Variants in CACNB2 observed in about 807,000 individuals in gnomAD.
The protein encoded by CACNB2 is calcium voltage-gated channel auxiliary subunit beta 2.
CACNB2 carries 42 observed loss-of-function variants against 73.3 expected under a neutral mutation model. The observed-to-expected ratio is 0.57, with a 90% CI of 0.45 to 0.74. CACNB2 has a LOEUF of 0.74. CACNB2 is among the 30% of genes least tolerant of loss of function. CACNB2 has a pLI of 0.00. For missense variants in CACNB2, 940 were observed against 853.0 expected, an observed-to-expected ratio of 1.10 and a Z score of -1.27; for synonymous variants, 348 against 310.3, an observed-to-expected ratio of 1.12 and a Z score of -1.28.
intron 4 of CACNB2, 43 bp downstream of exon 4, chr10:18,498,520 C>G (rs1297718021): frequency 1.3e-6 from 2 of 1,598,436 alleles, no homozygotes; most frequent in African/African-American, 2.7e-5. Context: ...GATGTTTCAC[C>G]TTGACATACC....
intron 2 of CACNB2, among the ~76,000 whole-genome samples, chr10:18,200,269 A>T (rs1229584294): frequency 6.7e-6 from 1 of 150,048 alleles, no homozygotes; most frequent in Non-Finnish European, 1.5e-5. Flanking sequence ...ACTCAAAAAA[A>T]AAGTTTTTTT....
At chr10:18,378,275 C>A (rs2042882137) in intron 2 of CACNB2, among the ~76,000 whole-genome samples, 1 of 152,168 alleles carries the variant, frequency 6.6e-6, no homozygotes, top group South Asian at 2.1e-4. Context: ...TCAACATTTT[C>A]ATTCTGAATG....
intron 2 of CACNB2, among the ~76,000 whole-genome samples, chr10:18,275,370 G>A (rs1006150701): frequency 8.5e-5 from 13 of 152,162 alleles, no homozygotes; most frequent in East Asian, 7.7e-4. Context: ...GGTTAGCTTC[G>A]TAATAAGGGG....
chr10:18,298,120 G>C lies in CACNB2; in HGVS notation c.214-103804G>C, dbSNP rs999074681. On this transcript the variant is annotated intron_variant, in intron 2 of 13. Coordinates refer to ENST00000324631, the MANE Select transcript of CACNB2 (RefSeq NM_201596.3). Reference sequence around the variant, plus strand: ...GTACTGGCTCACGCCTGTAATCCTAGCACTTTGGAAGGCTGAGATTGGTGG... The same window carrying C: ...GTACTGGCTCACGCCTGTAATCCTACCACTTTGGAAGGCTGAGATTGGTGG... Among the ~76,000 whole-genome samples, 3 of 152,122 alleles carry C rather than the reference G, an allele frequency of 2.0e-5. No homozygotes were observed. In the South Asian group the frequency reaches 6.2e-4, roughly 32 times the overall value.
chr10:18,504,370 G>GC (rs2050373749), intron 5 of CACNB2, among the ~76,000 whole-genome samples: 1 of 152,174 alleles, frequency 6.6e-6, no homozygotes, highest in East Asian at 1.9e-4. Context: ...GGCACAGCAA[G>GC]CCCAGGACAG....
chr10:18,456,350 C>T (rs2132644528), intron 3 of CACNB2, among the ~76,000 whole-genome samples: 1 of 152,238 alleles, frequency 6.6e-6, no homozygotes, highest in South Asian at 2.1e-4. Flanking sequence ...GTAATCCCAG[C>T]TACTTGGGAG....
At chr10:18,492,620 CAAAA>C (rs371407084) in intron 3 of CACNB2, among the ~76,000 whole-genome samples, 5 of 90,470 alleles carry the variant, frequency 5.5e-5, no homozygotes, top group East Asian at 3.1e-4. Context: ...GACTCTGTCT[CAAAA>C]AAAAAAAAAA....
chr10:18,226,998 AGAC>A (rs1186072225), intron 2 of CACNB2, among the ~76,000 whole-genome samples: 1 of 152,182 alleles, frequency 6.6e-6, no homozygotes, highest in Non-Finnish European at 1.5e-5. Context: ...CACTTAAATG[AGAC>A]TATTTCTTCA....
At chr10:18,470,079 A>C (rs1041699302) in intron 3 of CACNB2, among the ~76,000 whole-genome samples, 2 of 151,958 alleles carry the variant, frequency 1.3e-5, no homozygotes, top group East Asian at 3.9e-4. Flanking sequence ...AAAGTATTCA[A>C]CTTAGGAATT....
chr10:18,536,647 A>C (rs1000126039), intron 12 of CACNB2, among the ~76,000 whole-genome samples: 1 of 152,202 alleles, frequency 6.6e-6, no homozygotes, highest in Non-Finnish European at 1.5e-5. Flanking sequence ...TTCATTCCAA[A>C]GTAAACTGTC....
chr10:18,359,605 T>C (rs934487497), intron 2 of CACNB2, among the ~76,000 whole-genome samples: 4 of 152,054 alleles, frequency 2.6e-5, no homozygotes, highest in African/African-American at 9.7e-5. Context: ...TGTTTTGTTT[T>C]TTTTTTTCTT....
At chr10:18,521,417 A>G (rs1364608675) in intron 9 of CACNB2, among the ~76,000 whole-genome samples, 4 of 152,210 alleles carry the variant, frequency 2.6e-5, no homozygotes, top group African/African-American at 9.6e-5. Context: ...ACTCACACCC[A>G]CATCTTAAAG....
At chr10:18,430,481 TTAAC>T (rs1205721553) in intron 3 of CACNB2, among the ~76,000 whole-genome samples, 1 of 152,048 alleles carries the variant, frequency 6.6e-6, no homozygotes, top group African/African-American at 2.4e-5. Flanking sequence ...AATTAATTAA[TTAAC>T]TGGGTGTGGT....
At chr10:18,442,242 T>C (rs1173625954) in intron 3 of CACNB2, among the ~76,000 whole-genome samples, 1 of 151,990 alleles carries the variant, frequency 6.6e-6, no homozygotes, top group Non-Finnish European at 1.5e-5. Context: ...CTCCGCCTCC[T>C]GGGTACCAGT....
At chr10:18,414,298 C>T (rs1487449643) in intron 3 of CACNB2, among the ~76,000 whole-genome samples, 6 of 152,180 alleles carry the variant, frequency 3.9e-5, no homozygotes, top group Non-Finnish European at 8.8e-5. Flanking sequence ...TCTCTTGCTC[C>T]TCTCACAGGC....
At chr10:18,355,472 T>C (rs2041869181) in intron 2 of CACNB2, among the ~76,000 whole-genome samples, 1 of 151,934 alleles carries the variant, frequency 6.6e-6, no homozygotes, top group Non-Finnish European at 1.5e-5. Context: ...ATGAATGATA[T>C]CACACAAATG....
intron 2 of CACNB2, among the ~76,000 whole-genome samples, chr10:18,171,035 T>C (rs893856897): frequency 6.6e-6 from 1 of 152,200 alleles, no homozygotes; most frequent in African/African-American, 2.4e-5. Flanking sequence ...GGCTGCATCA[T>C]TAAACGCACA....
chr10:18,436,156 G>A (rs879008076), intron 3 of CACNB2, among the ~76,000 whole-genome samples: 2 of 152,202 alleles, frequency 1.3e-5, no homozygotes, highest in Admixed American at 1.3e-4. Context: ...AAAGCTATGT[G>A]CAGTAACTCA....
At chr10:18,473,197 G>T (rs1156739764) in intron 3 of CACNB2, among the ~76,000 whole-genome samples, 2 of 152,126 alleles carry the variant, frequency 1.3e-5, no homozygotes, top group Admixed American at 1.3e-4. Flanking sequence ...TTCAGGTGGG[G>T]CCCCGCTCGC....
Sources: allele counts gnomAD v4.1 joint callset (sites outside exome capture counted in the v4.1 genomes callset), GRCh38; gene constraint gnomAD v4.1.1; transcripts MANE v1.5; gene names NCBI Gene and HGNC (gene_info 2026-07-23, HGNC 2026-07-21).